KIF6: variants seen among roughly 807,000 people sequenced by gnomAD.
KIF6 encodes the protein kinesin family member 6.
A neutral mutation model predicts 112.7 loss-of-function variants in KIF6; 106 were observed. The ratio of observed to expected loss-of-function variants is 0.94; its 90% CI spans 0.80 to 1.11. The LOEUF is 1.11. Ranked by LOEUF, KIF6 falls within the 50% of genes least tolerant of loss-of-function variation. The probability of loss-of-function intolerance (pLI) is 0.00; values close to 1 mark genes in which losing one functional copy is unlikely to be tolerated. For synonymous variants in KIF6, 339 were observed against 339.9 expected, an observed-to-expected ratio of 1.00 and a Z score of 0.03; for missense variants, 929 against 964.0, an observed-to-expected ratio of 0.96 and a Z score of 0.48.
At chr6:39,582,196 T>G (rs1781334619) in intron 9 of KIF6, among the ~76,000 whole-genome samples, 1 of 152,302 alleles carries the variant, frequency 6.6e-6, no homozygotes, top group Non-Finnish European at 1.5e-5. Flanking sequence ...CCTGTCTTAT[T>G]GAATAAAAAT....
At chr6:39,349,738 G>A in intron 19 of KIF6, among the ~76,000 whole-genome samples, 1 of 146,536 alleles carries the variant, frequency 6.8e-6, no homozygotes, top group Non-Finnish European at 1.5e-5. Flanking sequence ...TACCTCCTGG[G>A]TTCAAGCGAT....
intron 3 of KIF6, among the ~76,000 whole-genome samples, chr6:39,693,851 G>T (rs1246345835): frequency 6.6e-6 from 1 of 151,886 alleles, no homozygotes. Context: ...CCAAAATCTG[G>T]CAAAGACACA....
Position 39,540,184 on chromosome 6 carries a change from TTTC to T in KIF6, c.1461_1463del (p.Lys488del). On this transcript the variant is annotated inframe_deletion, in exon 13 of 23. Coordinates refer to ENST00000287152, the MANE Select transcript of KIF6 (RefSeq NM_145027.6). The stretch of plus-strand genomic sequence containing the variant: ...CAGCCAAGTGGAGAGCCTCCTGAGC[TTTC>T]TTCTTTTCTTTTTTTAACATGTTGA... 6.2e-7 allele frequency: 1 copy of T among 1,611,774 alleles called. No homozygotes were observed. Among genetic ancestry groups the T allele is most frequent in the Non-Finnish European group, 8.5e-7 (1 of 1,179,498 alleles).
intron 16 of KIF6, among the ~76,000 whole-genome samples, chr6:39,384,257 C>T (rs1484407322): frequency 6.6e-6 from 1 of 152,172 alleles, no homozygotes; most frequent in African/African-American, 2.4e-5. Context: ...GGGGACAACT[C>T]CATATCCAGG....
At chr6:39,665,618 A>G (rs1376431143) in intron 3 of KIF6, among the ~76,000 whole-genome samples, 1 of 152,216 alleles carries the variant, frequency 6.6e-6, no homozygotes, top group African/African-American at 2.4e-5. Context: ...TATTACAGGA[A>G]TAGACTATAA....
At chr6:39,616,372 C>T (rs531612225) in intron 5 of KIF6, among the ~76,000 whole-genome samples, 1 of 152,318 alleles carries the variant, frequency 6.6e-6, no homozygotes, top group South Asian at 2.1e-4. Context: ...TTTTGTAACA[C>T]ATCCCTGTGC....
chr6:39,555,157 C>A (rs545870582), intron 10 of KIF6, among the ~76,000 whole-genome samples: 2 of 152,294 alleles, frequency 1.3e-5, no homozygotes, highest in East Asian at 3.9e-4. Context: ...CAGCCCCCTG[C>A]ACCATGAAGC....
chr6:39,421,447 G>T (rs146026284), intron 14 of KIF6, among the ~76,000 whole-genome samples: 1 of 152,248 alleles, frequency 6.6e-6, no homozygotes, highest in East Asian at 1.9e-4. Context: ...GCAAATCCCA[G>T]ATATCCTATT....
intron 10 of KIF6, among the ~76,000 whole-genome samples, chr6:39,574,286 A>T (rs919954732): frequency 6.6e-6 from 1 of 152,196 alleles, no homozygotes; most frequent in African/African-American, 2.4e-5. Flanking sequence ...AAATTTGCTC[A>T]TTCTTATTGC....
intron 13 of KIF6, among the ~76,000 whole-genome samples, chr6:39,474,163 T>C (rs1774292803): frequency 6.6e-6 from 1 of 152,214 alleles, no homozygotes; most frequent in Admixed American, 6.5e-5. Flanking sequence ...TTTAAGAGTT[T>C]GAAACATTTA....
chr6:39,557,914 T>A (rs909694708), intron 10 of KIF6, among the ~76,000 whole-genome samples: 1 of 151,300 alleles, frequency 6.6e-6, no homozygotes, highest in African/African-American at 2.4e-5. Flanking sequence ...CTTGTTATCT[T>A]TGGTGAAATC....
intron 15 of KIF6, among the ~76,000 whole-genome samples, chr6:39,390,399 C>G (rs1767779388): frequency 6.6e-6 from 1 of 152,096 alleles, no homozygotes; most frequent in African/African-American, 2.4e-5. Context: ...TTGGGAAAGG[C>G]ATAATTACTA....
chr6:39,380,643 A>G (rs533458644), intron 16 of KIF6, among the ~76,000 whole-genome samples: 43 of 141,290 alleles, frequency 3.0e-4, no homozygotes, highest in African/African-American at 1.0e-3. Flanking sequence ...CACTCTTTGG[A>G]AAAAAAAAAA....
intron 1 of KIF6, among the ~76,000 whole-genome samples, chr6:39,722,131 C>G (rs181842963): frequency 2.0e-5 from 3 of 151,968 alleles, no homozygotes; most frequent in African/African-American, 7.3e-5. Flanking sequence ...AAATTATATC[C>G]TGTTGGGCAC....
At chr6:39,384,748 G>A (rs1273189441) in intron 16 of KIF6, among the ~76,000 whole-genome samples, 1 of 152,066 alleles carries the variant, frequency 6.6e-6, no homozygotes, top group Non-Finnish European at 1.5e-5. Context: ...CATCTCAAGG[G>A]GAACTTTTTT....
rs187307191 is a variant in KIF6, at chr6:39,556,137, T to C, written c.1182-10449A>G. Among the ~76,000 whole-genome samples, 3 of 152,328 alleles carry C rather than the reference T, an allele frequency of 2.0e-5. No individual in the cohort carries two copies. In the East Asian group the frequency reaches 5.8e-4, roughly 29 times the overall value. On this transcript the variant is annotated intron_variant, in intron 10 of 22. Coordinates refer to ENST00000287152, the MANE Select transcript of KIF6 (RefSeq NM_145027.6). ...TTAGATAAATTAATCAATCCATAGA[T>C]ACTAATAACTCCCTCTTTAAATTCT...
intron 10 of KIF6, among the ~76,000 whole-genome samples, chr6:39,574,449 C>G (rs1170619927): frequency 6.6e-6 from 1 of 152,088 alleles, no homozygotes; most frequent in Non-Finnish European, 1.5e-5. Context: ...TGGCTAGATA[C>G]AGAAAAATAC....
intron 13 of KIF6, among the ~76,000 whole-genome samples, chr6:39,443,634 GGGTTTC>G (rs1485216495): frequency 6.6e-6 from 1 of 151,930 alleles, no homozygotes; most frequent in Non-Finnish European, 1.5e-5. Context: ...AGTAGCGATG[GGGTTTC>G]GCCATGTTGG....
chr6:39,492,318 A>G (rs1189577314), intron 13 of KIF6, among the ~76,000 whole-genome samples: 1 of 152,214 alleles, frequency 6.6e-6, no homozygotes, highest in East Asian at 1.9e-4. Flanking sequence ...ATTATAAATT[A>G]ATATGCAGGA....
Sources: allele counts gnomAD v4.1 joint callset (sites outside exome capture counted in the v4.1 genomes callset), GRCh38; gene constraint gnomAD v4.1.1; transcripts MANE v1.5; gene names NCBI Gene and HGNC (gene_info 2026-07-23, HGNC 2026-07-21).